CLVS1: variants seen among roughly 807,000 people sequenced by gnomAD.
CLVS1 encodes the protein clavesin 1.
A neutral mutation model predicts 33.1 loss-of-function variants in CLVS1; 10 were observed. The ratio of observed to expected loss-of-function variants is 0.30; its 90% CI spans 0.19 to 0.51. CLVS1 has a LOEUF of 0.51. Among genes scored for constraint, CLVS1 ranks in the 20% least tolerant of loss-of-function variants. CLVS1 has a pLI of 0.97. For synonymous variants in CLVS1, 163 were observed against 166.1 expected (o/e 0.98, Z 0.14); for missense variants, 343 against 433.4 (o/e 0.79, Z 1.85).
intron 3 of CLVS1, among the ~76,000 whole-genome samples, chr8:61,451,592 T>TA (rs1816956007): frequency 6.6e-6 from 1 of 152,132 alleles, no homozygotes; most frequent in African/African-American, 2.4e-5. Context: ...GATCTTGAGA[T>TA]ACATCTGCTC....
chr8:61,048,615 G>A, the CLVS1 span, among the ~76,000 whole-genome samples: 1 of 152,190 alleles, frequency 6.6e-6, no homozygotes, highest in Admixed American at 6.5e-5. Context: ...CAGGTTAGGA[G>A]GGTCCAGAGG....
the CLVS1 span, among the ~76,000 whole-genome samples, chr8:61,033,110 A>AAGGAAGGAAG: frequency 1.1e-5 from 1 of 89,914 alleles, no homozygotes; most frequent in Non-Finnish European, 2.3e-5. Flanking sequence ...ATAGAAAGAA[A>AAGGAAGGAAG]GAAGGAAGGA....
intron 3 of CLVS1, among the ~76,000 whole-genome samples, chr8:61,387,571 A>T (rs1171996338): frequency 6.9e-6 from 1 of 145,424 alleles, no homozygotes; most frequent in Non-Finnish European, 1.5e-5. Context: ...ATTTTGGTGC[A>T]CCCATCACCC....
intron 1 of CLVS1, among the ~76,000 whole-genome samples, chr8:61,090,146 A>G (rs189268014): frequency 6.6e-6 from 1 of 152,282 alleles, no homozygotes; most frequent in Admixed American, 6.5e-5. Flanking sequence ...CTGTAAGGAG[A>G]TATATCACAG....
chr8:61,025,852 G>A, the CLVS1 span, among the ~76,000 whole-genome samples: 1 of 152,174 alleles, frequency 6.6e-6, no homozygotes, highest in East Asian at 1.9e-4. Context: ...TTGTTTGGTG[G>A]TTTAAAGGAG....
intron 2 of CLVS1, among the ~76,000 whole-genome samples, chr8:61,174,687 T>C (rs1807078465): frequency 6.6e-6 from 1 of 152,216 alleles, no homozygotes; most frequent in Non-Finnish European, 1.5e-5. Context: ...TCATGAATGT[T>C]AATTCCTCAA....
chr8:61,348,704 A>G (rs1331797091), intron 2 of CLVS1, among the ~76,000 whole-genome samples: 1 of 152,008 alleles, frequency 6.6e-6, no homozygotes, highest in Non-Finnish European at 1.5e-5. Context: ...TATCTCTTCG[A>G]CATACTGATT....
the CLVS1 span, among the ~76,000 whole-genome samples, chr8:61,014,030 A>G: frequency 6.6e-6 from 1 of 150,960 alleles, no homozygotes; most frequent in African/African-American, 2.4e-5. Flanking sequence ...GTGCATATCC[A>G]CAGGACAAAG....
At chr8:61,117,962 T>A (rs539540469) in intron 1 of CLVS1, among the ~76,000 whole-genome samples, 3 of 152,324 alleles carry the variant, frequency 2.0e-5, no homozygotes, top group African/African-American at 7.2e-5. Context: ...AGTTCCTCCT[T>A]GTACCTCTGG....
At position 61,500,956 on chromosome 8, in the gene CLVS1, C is replaced by CAATGGATCTAATGTTTTAATT. The variant is rs1228150845; in HGVS notation, c.*1415_*1435dup. The CAATGGATCTAATGTTTTAATT allele has an allele frequency of 6.6e-6, 1 of 152,074 alleles. No homozygotes were observed. The highest frequency in any genetic ancestry group is 2.4e-5 in the African/African-American group (1 of 41,418). The allele number at this position is 152,074 out of a possible 1,614,324, so 9.4% of individuals were successfully genotyped here. On this transcript the variant is annotated 3_prime_UTR_variant, in exon 6 of 6. Coordinates refer to ENST00000325897, the MANE Select transcript of CLVS1 (RefSeq NM_173519.3). ...ATTATTTATTACATCATCTCTTTCT[C>CAATGGATCTAATGTTTTAATT]AATGGATCTAATGTTTTAATTTTTT...
At chr8:61,002,352 C>T in the CLVS1 span, among the ~76,000 whole-genome samples, 6 of 95,508 alleles carry the variant, frequency 6.3e-5, no homozygotes, top group Non-Finnish European at 1.2e-4. Flanking sequence ...TTTTTTTTGA[C>T]AGAGTTTTGC....
At chr8:61,333,908 T>C (rs1811691417) in intron 2 of CLVS1, among the ~76,000 whole-genome samples, 1 of 152,162 alleles carries the variant, frequency 6.6e-6, no homozygotes, top group Non-Finnish European at 1.5e-5. Context: ...CATGTGTCCA[T>C]GTGTTCTCAG....
intron 1 of CLVS1, among the ~76,000 whole-genome samples, chr8:61,068,253 A>G (rs1804723895): frequency 6.8e-6 from 1 of 147,032 alleles, no homozygotes; most frequent in African/African-American, 2.5e-5. Flanking sequence ...ATATATGTAT[A>G]TATATACATA....
At chr8:61,065,646 T>A (rs1311448709) in intron 1 of CLVS1, among the ~76,000 whole-genome samples, 2 of 152,226 alleles carry the variant, frequency 1.3e-5, no homozygotes, top group East Asian at 3.8e-4. Context: ...TTGTTTTTTG[T>A]CTTATTTTAA....
At chr8:61,148,846 CAT>C (rs1451948441) in intron 2 of CLVS1, among the ~76,000 whole-genome samples, 2 of 152,178 alleles carry the variant, frequency 1.3e-5, no homozygotes, top group East Asian at 1.9e-4. Flanking sequence ...TGTGCCGACA[CAT>C]GTGTACGTGT....
chr8:61,368,083 T>C (rs1286478478), intron 2 of CLVS1, among the ~76,000 whole-genome samples: 2 of 152,244 alleles, frequency 1.3e-5, no homozygotes, highest in East Asian at 3.8e-4. Flanking sequence ...CTGGACCAAA[T>C]GTGATAAAAT....
chr8:60,973,693 G>A, the CLVS1 span, among the ~76,000 whole-genome samples: 1 of 152,014 alleles, frequency 6.6e-6, no homozygotes, highest in Non-Finnish European at 1.5e-5. Flanking sequence ...TGCTTCTGCT[G>A]TCTTGCATCC....
intron 1 of CLVS1, among the ~76,000 whole-genome samples, chr8:61,123,227 C>A (rs1805909422): frequency 8.1e-6 from 1 of 123,812 alleles, no homozygotes. Flanking sequence ...CGAGATCGCA[C>A]CATTGCACTC....
chr8:61,303,615 A>G (rs1468526972), intron 2 of CLVS1, among the ~76,000 whole-genome samples: 1 of 152,242 alleles, frequency 6.6e-6, no homozygotes, highest in Non-Finnish European at 1.5e-5. Flanking sequence ...GGTTGTAATG[A>G]CAAGGCTATT....
Sources: allele counts gnomAD v4.1 joint callset (sites outside exome capture counted in the v4.1 genomes callset), GRCh38; gene constraint gnomAD v4.1.1; transcripts MANE v1.5; gene names NCBI Gene and HGNC (gene_info 2026-07-23, HGNC 2026-07-21).